TRPM3: variants seen among roughly 807,000 people sequenced by gnomAD.
The protein encoded by TRPM3 is long transient receptor potential channel 3.
TRPM3 carries 77 observed loss-of-function variants against 181.2 expected under a neutral mutation model. The ratio of observed to expected loss-of-function variants is 0.42; its 90% CI spans 0.35 to 0.51. The LOEUF (loss-of-function observed/expected upper bound fraction) is 0.51, where lower values mean the gene tolerates loss of function less well. Ranked by LOEUF, TRPM3 falls within the 20% of genes least tolerant of loss-of-function variation. TRPM3 has a pLI of 0.01. For missense variants in TRPM3, 1,759 were observed against 2,196.7 expected, an observed-to-expected ratio of 0.80 and a Z score of 3.98; for synonymous variants, 745 against 796.4, an observed-to-expected ratio of 0.94 and a Z score of 1.09.
chr9:70,558,794 T>C, intron 22 of TRPM3, among the ~76,000 whole-genome samples: 1 of 152,196 alleles, frequency 6.6e-6, no homozygotes, highest in East Asian at 1.9e-4. Flanking sequence ...AGGCTACATC[T>C]ATGCAGCAGT....
At chr9:71,076,638 A>G (rs1362916664) in intron 1 of TRPM3, among the ~76,000 whole-genome samples, 1 of 152,226 alleles carries the variant, frequency 6.6e-6, no homozygotes, top group Non-Finnish European at 1.5e-5. Context: ...GGAGAAAGGC[A>G]GCTGAGTTGG....
Position 70,536,681 on chromosome 9 carries a change from A to G in TRPM3, c.4432T>C (p.Ser1478Pro). The change falls in exon 26 of 26, where the codon TCC becomes CCC. Residue 1478 changes from serine (S) to proline (P), a missense_variant. Physicochemically the swap from Ser to Pro is moderately conservative, Grantham distance 74 (BLOSUM62 -1). Transcript: ENST00000677713. ...SRSIDFEDIT[S>P]MDTRSFSSDY... ...GAAGAAAAAGATCTAGTGTCCATGG[A>G]GGTGATGTCCTCAAAATCAATGCTC... The G allele has an allele frequency of 6.2e-7, 1 of 1,614,048 alleles. No individual in the cohort carries two copies. Among genetic ancestry groups the G allele is most frequent in the Non-Finnish European group, 8.5e-7 (1 of 1,180,020 alleles).
chr9:70,569,379 A>G (rs1419688656), intron 22 of TRPM3, among the ~76,000 whole-genome samples: 1 of 152,224 alleles, frequency 6.6e-6, no homozygotes, highest in African/African-American at 2.4e-5. Context: ...AGAAGAGGTT[A>G]AAGACAAGCA....
chr9:71,122,076 C>T (rs1219625601), upstream of TRPM3, among the ~76,000 whole-genome samples: 2 of 152,296 alleles, frequency 1.3e-5, no homozygotes, highest in South Asian at 2.1e-4. Flanking sequence ...AGTTTAAACT[C>T]ATGGGCATTT....
At chr9:71,332,835 G>A (rs753221786) in intron 1 of TRPM3, among the ~76,000 whole-genome samples, 20 of 151,740 alleles carry the variant, frequency 1.3e-4, no homozygotes, top group Non-Finnish European at 1.8e-4. Flanking sequence ...CACAAATTAA[G>A]CTTTGCTGGT....
chr9:71,371,101 T>C (rs1157116781), intron 1 of TRPM3, among the ~76,000 whole-genome samples: 3 of 152,100 alleles, frequency 2.0e-5, no homozygotes, highest in Non-Finnish European at 4.4e-5. Context: ...TCACTGCTCA[T>C]TAACAATGCA....
intron 6 of TRPM3, among the ~76,000 whole-genome samples, chr9:70,800,592 G>A (rs1328154): frequency 1 from 152,042 of 152,338 alleles, 75,876 homozygotes; most frequent in Middle Eastern, 1. Flanking sequence ...CAGCCTACTC[G>A]GTATGAAGAT....
intron 1 of TRPM3, among the ~76,000 whole-genome samples, chr9:70,969,280 G>C (rs988414056): frequency 2.0e-5 from 3 of 151,916 alleles, no homozygotes; most frequent in Admixed American, 1.3e-4. Context: ...CTCAGGGGGT[G>C]GGGGGCTAGG....
chr9:70,606,198 C>A (rs1260938548), intron 19 of TRPM3, among the ~76,000 whole-genome samples: 3 of 152,174 alleles, frequency 2.0e-5, no homozygotes, highest in African/African-American at 7.2e-5. Flanking sequence ...ATCTATATAT[C>A]TATCTATCTG....
intron 8 of TRPM3, among the ~76,000 whole-genome samples, chr9:70,700,407 A>G (rs1244634778): frequency 6.6e-6 from 1 of 152,142 alleles, no homozygotes; most frequent in Non-Finnish European, 1.5e-5. Context: ...ACCCTGGAAG[A>G]TGGTGGAGGC....
At chr9:71,235,116 C>G (rs1447905537) in intron 1 of TRPM3, among the ~76,000 whole-genome samples, 2 of 152,236 alleles carry the variant, frequency 1.3e-5, no homozygotes, top group African/African-American at 4.8e-5. Flanking sequence ...TGCTGCACCT[C>G]TAATGTGCCA....
At chr9:71,241,700 G>A (rs868397678) in intron 1 of TRPM3, among the ~76,000 whole-genome samples, 4 of 152,022 alleles carry the variant, frequency 2.6e-5, no homozygotes, top group African/African-American at 9.7e-5. Flanking sequence ...CAGAATAAAT[G>A]AGAATTCTAT....
chr9:71,314,278 T>G (rs1271835751), intron 1 of TRPM3, among the ~76,000 whole-genome samples: 2 of 152,152 alleles, frequency 1.3e-5, no homozygotes, highest in Non-Finnish European at 2.9e-5. Flanking sequence ...ATGATTTTTT[T>G]ATCAAAGAAA....
chr9:70,918,582 C>T (rs1396873551), intron 1 of TRPM3, among the ~76,000 whole-genome samples: 1 of 152,004 alleles, frequency 6.6e-6, no homozygotes, highest in East Asian at 1.9e-4. Context: ...TATAATGCAA[C>T]ACAACATACC....
chr9:70,908,634 T>C (rs1044530867), intron 1 of TRPM3, among the ~76,000 whole-genome samples: 1 of 152,214 alleles, frequency 6.6e-6, no homozygotes, highest in Non-Finnish European at 1.5e-5. Flanking sequence ...CTAGATTCAA[T>C]GTAATTTTAA....
rs1258522190 is a variant in TRPM3, at chr9:71,423,598, ATATC to A, written c.183+23051_183+23054del. 9.8e-5 allele frequency among the ~76,000 whole-genome samples: 15 copies of A among 152,296 alleles called. No homozygotes were observed. The East Asian group carries it at 2.1e-3, about 22-fold the overall frequency. On this transcript the variant is annotated intron_variant, in intron 1 of 24. Transcript: ENST00000357533. ...TACTGAAACTTGTGGATGGAAAACA[ATATC>A]TATATTCTTCTAGAAAAACAAGAAA...
chr9:71,267,932 T>C (rs945041415), intron 1 of TRPM3, among the ~76,000 whole-genome samples: 2 of 152,206 alleles, frequency 1.3e-5, no homozygotes, highest in Non-Finnish European at 2.9e-5. Context: ...ACTTCCCACT[T>C]CAATGTATTT....
intron 1 of TRPM3, among the ~76,000 whole-genome samples, chr9:70,935,113 C>T (rs1449537931): frequency 6.6e-6 from 1 of 152,220 alleles, no homozygotes; most frequent in Non-Finnish European, 1.5e-5. Flanking sequence ...CTCTTTCCAC[C>T]TCATGAATGC....
intron 1 of TRPM3, among the ~76,000 whole-genome samples, chr9:70,892,114 A>C (rs2096213341): frequency 6.6e-6 from 1 of 152,198 alleles, no homozygotes. Flanking sequence ...TACTGAGAGG[A>C]CTTTTAATTC....
Sources: allele counts gnomAD v4.1 joint callset (sites outside exome capture counted in the v4.1 genomes callset), GRCh38; gene constraint gnomAD v4.1.1; transcripts MANE v1.5; gene names NCBI Gene and HGNC (gene_info 2026-07-23, HGNC 2026-07-21).